The following FHOD3 variants were observed in gnomAD, a reference collection of about 807,000 sequenced individuals.
FHOD3 encodes formin homology 2 domain containing 3.
A neutral mutation model predicts 173.0 loss-of-function variants in FHOD3; 90 were observed. The ratio of observed to expected loss-of-function variants is 0.52; its 90% confidence interval spans 0.44 to 0.62. FHOD3 has a LOEUF of 0.62. FHOD3 is among the 20% of genes least tolerant of loss of function. FHOD3 has a pLI of 0.00. For missense variants in FHOD3, 1,945 were observed against 2,034.7 expected, an observed-to-expected ratio of 0.96 and a Z score of 0.85; for synonymous variants, 828 against 823.0, an observed-to-expected ratio of 1.01 and a Z score of -0.10.
chr18:36,382,731 T>G (rs961363467), intron 3 of FHOD3, among the ~76,000 whole-genome samples: 7 of 152,212 alleles, frequency 4.6e-5, no homozygotes, highest in Non-Finnish European at 1.0e-4. Context: ...GCTGCCTCTG[T>G]TACCTTGACT....
In FHOD3 at chr18:36,606,433, C is replaced by T. The variant is rs781706429; in HGVS notation, c.813+3665C>T. Among the ~76,000 whole-genome samples, 31 of 152,062 alleles carry T rather than the reference C, an allele frequency of 2.0e-4. 1 individual carries two copies. The highest frequency in any genetic ancestry group is 2.9e-5 in the Non-Finnish European group (2 of 68,012). ...GGGAACCTATTCCTTCAGTAAGTAA[C>T]CCACTCCTGAGATAATGGCATTCAT... On this transcript the variant is annotated intron_variant, in intron 8 of 28. Coordinates refer to ENST00000590592, the MANE Select transcript of FHOD3 (RefSeq NM_001281740.3).
Position 36,522,945 on chromosome 18 carries a change from C to T in FHOD3, c.511+10402C>T, listed in dbSNP as rs144324508. ...CACTATTTCAACCTCATTATCTTGT[C>T]GTCTTTGCTTTCTTTACCCTGCCTC... On this transcript the variant is annotated intron_variant, in intron 5 of 28. Coordinates refer to ENST00000590592, the MANE Select transcript of FHOD3 (RefSeq NM_001281740.3). Among the ~76,000 whole-genome samples, 39 of 152,306 alleles carry T rather than the reference C, an allele frequency of 2.6e-4. No homozygotes were observed. In the East Asian group the frequency reaches 5.8e-3, roughly 23 times the overall value.
intron 3 of FHOD3, among the ~76,000 whole-genome samples, chr18:36,433,086 C>G (rs2050636759): frequency 1.3e-5 from 2 of 152,192 alleles, no homozygotes. Context: ...TTAGGTCAGG[C>G]TCACCTAGGA....
chr18:36,762,945 A>C (rs2042948158), intron 27 of FHOD3, among the ~76,000 whole-genome samples: 2 of 147,036 alleles, frequency 1.4e-5, no homozygotes, highest in Admixed American at 1.4e-4. Context: ...TATATATAAT[A>C]TGTGTATTAT....
At chr18:36,686,881 G>A (rs891790975) in intron 15 of FHOD3, among the ~76,000 whole-genome samples, 4 of 152,162 alleles carry the variant, frequency 2.6e-5, no homozygotes, top group Admixed American at 1.3e-4. Flanking sequence ...GTAATTAGTA[G>A]TGTTTCTGGG....
chr18:36,670,413 G>A (rs1340564360), intron 14 of FHOD3, among the ~76,000 whole-genome samples: 2 of 151,932 alleles, frequency 1.3e-5, no homozygotes, highest in South Asian at 2.1e-4. Context: ...GTGGTCTGTT[G>A]ATTTTTTTCA....
At chr18:36,350,618 C>G (rs1396794762) in intron 1 of FHOD3, among the ~76,000 whole-genome samples, 4 of 152,110 alleles carry the variant, frequency 2.6e-5, no homozygotes, top group African/African-American at 9.7e-5. Flanking sequence ...CTTGGGAAGA[C>G]ATTTGACAGG....
At chr18:36,627,434 A>G (rs1473796197) in intron 10 of FHOD3, among the ~76,000 whole-genome samples, 1 of 152,136 alleles carries the variant, frequency 6.6e-6, no homozygotes, top group Non-Finnish European at 1.5e-5. Context: ...GCTGGTAAGG[A>G]TGATGATACG....
intron 2 of FHOD3, among the ~76,000 whole-genome samples, chr18:36,366,356 G>A (rs997461615): frequency 1.3e-5 from 2 of 152,090 alleles, no homozygotes; most frequent in Non-Finnish European, 2.9e-5. Flanking sequence ...ATGGAACGAG[G>A]GAGAGAAAGT....
intron 10 of FHOD3, among the ~76,000 whole-genome samples, chr18:36,630,844 A>T (rs1203157184): frequency 1.3e-5 from 2 of 152,220 alleles, no homozygotes; most frequent in East Asian, 3.8e-4. Context: ...TTACAGAAAA[A>T]TTGACTAATG....
At chr18:36,381,028 A>C (rs1008395001) in intron 3 of FHOD3, among the ~76,000 whole-genome samples, 2 of 152,292 alleles carry the variant, frequency 1.3e-5, no homozygotes, top group African/African-American at 4.8e-5. Context: ...GGTTCTTTGC[A>C]CTGGCCTGAT....
chr18:36,718,374 C>G lies in FHOD3; in HGVS notation c.3076C>G (p.Pro1026Ala), dbSNP rs774082158. ...GGCCCCTGGGCCACCTCCCCCACCCCCACCCACCTTTCTGGGTTTGCCGCC... is the reference window on the plus strand; with the variant it reads ...GGCCCCTGGGCCACCTCCCCCACCCGCACCCACCTTTCTGGGTTTGCCGCC... Reference protein sequence around the residue: ...REAPGPPPPPPPTFLGLPPPP... With the variant: ...REAPGPPPPPAPTFLGLPPPP... The change falls in exon 19 of 29, where the codon CCA becomes GCA. Residue 1026 changes from proline (P) to alanine (A), a missense_variant. By Grantham distance (27) the Pro-to-Ala change is conservative. This residue lies in a region of FHOD3 where 1,099 missense variants were observed against 1,051.2 expected (regional missense o/e 1.05). Coordinates refer to ENST00000590592, the MANE Select transcript of FHOD3 (RefSeq NM_001281740.3). The G allele has an allele frequency of 3.8e-6, 6 of 1,589,200 alleles. No individual in the cohort carries two copies. The highest frequency in any genetic ancestry group is 3.4e-6 in the Non-Finnish European group (4 of 1,167,082).
rs371114611 is a variant in FHOD3 at position 36,722,704 on chromosome 18, A to G, written c.3417+3989A>G. 1.8e-3 allele frequency among the ~76,000 whole-genome samples: 276 copies of G among 152,224 alleles called. 1 individual carries two copies. Among genetic ancestry groups the G allele is most frequent in the South Asian group, 0.014 (68 of 4,822 alleles). Reference sequence around the variant, plus strand: ...ACTACGGCCTCAAACTCCTGGGCTCAAACGATCCTCCCACCTCAGCTTCCC... The same window carrying G: ...ACTACGGCCTCAAACTCCTGGGCTCGAACGATCCTCCCACCTCAGCTTCCC... On this transcript the variant is annotated intron_variant, in intron 19 of 28. Coordinates refer to ENST00000590592, the MANE Select transcript of FHOD3 (RefSeq NM_001281740.3).
chr18:36,357,306 T>C (rs985558144), intron 2 of FHOD3, among the ~76,000 whole-genome samples: 1 of 152,192 alleles, frequency 6.6e-6, no homozygotes, highest in Non-Finnish European at 1.5e-5. Context: ...GCTAACACTT[T>C]ACTAGGTCAG....
chr18:36,687,156 C>G lies in FHOD3; in HGVS notation c.1999C>G (p.Gln667Glu). The change falls in exon 16 of 29, where the codon CAA becomes GAA. Residue 667 changes from glutamine (Q) to glutamate (E), a missense_variant. Physicochemically the swap from Gln to Glu is conservative, Grantham distance 29. This residue lies in a region of FHOD3 where 1,099 missense variants were observed against 1,051.2 expected (regional missense o/e 1.05). Transcript: ENST00000590592. ...AGATTATTTAGACAAAAGAGAGGAG[C>G]AAAGGCAAGCAAGAGAAGAAAGGTT... ...SRDYLDKREE[Q>E]RQAREERYKY... 4 of 1,611,274 alleles carry G rather than the reference C, an allele frequency of 2.5e-6. No individual in the cohort carries two copies. The highest frequency in any genetic ancestry group is 3.4e-6 in the Non-Finnish European group (4 of 1,177,932).
chr18:36,540,573 T>G (rs2057169458), intron 5 of FHOD3, among the ~76,000 whole-genome samples: 1 of 152,226 alleles, frequency 6.6e-6, no homozygotes, highest in Non-Finnish European at 1.5e-5. Flanking sequence ...CAGGTCTGCT[T>G]CTTCCTGACC....
intron 20 of FHOD3, among the ~76,000 whole-genome samples, chr18:36,733,106 C>T (rs2041454795): frequency 6.6e-6 from 1 of 152,210 alleles, no homozygotes; most frequent in South Asian, 2.1e-4. Flanking sequence ...CTTAGGACCA[C>T]ATGAGTAAAC....
intron 5 of FHOD3, among the ~76,000 whole-genome samples, chr18:36,532,661 A>AATCAGTAGTTACC (rs1415600136): frequency 6.6e-6 from 1 of 152,200 alleles, no homozygotes; most frequent in African/African-American, 2.4e-5. Flanking sequence ...TTGTGTGAAG[A>AATCAGTAGTTACC]ATCAGTAGTT....
At chr18:36,619,218 T>C (rs2033496895) in intron 9 of FHOD3, among the ~76,000 whole-genome samples, 1 of 152,202 alleles carries the variant, frequency 6.6e-6, no homozygotes, top group African/African-American at 2.4e-5. Flanking sequence ...CATTCTTTAG[T>C]CTAAGGCAAG....
Sources: allele counts gnomAD v4.1 joint callset (sites outside exome capture counted in the v4.1 genomes callset), GRCh38; gene constraint gnomAD v4.1.1; regional missense constraint gnomAD v4.1.1; transcripts MANE v1.5; gene names NCBI Gene and HGNC (gene_info 2026-07-23, HGNC 2026-07-21).